Variants in RANBP2 observed in about 807,000 individuals in gnomAD.
RANBP2 encodes the protein RAN binding protein 2.
A neutral mutation model predicts 303.6 loss-of-function variants in RANBP2; 57 were observed. The observed-to-expected ratio is 0.19, with a 90% CI of 0.15 to 0.23. The LOEUF (loss-of-function observed/expected upper bound fraction) is 0.23. RANBP2 is among the 10% of genes least tolerant of loss of function. RANBP2 has a pLI of 1.00. For synonymous variants in RANBP2, 1,167 were observed against 1,301.5 expected, an observed-to-expected ratio of 0.90 and a Z score of 2.23; for missense variants, 3,138 against 3,780.8, an observed-to-expected ratio of 0.83 and a Z score of 4.46.
intron 1 of RANBP2, among the ~76,000 whole-genome samples, chr2:108,725,351 T>G (rs1032378246): frequency 2.0e-5 from 3 of 152,070 alleles, no homozygotes; most frequent in African/African-American, 7.3e-5. Flanking sequence ...TTTGTAAAGT[T>G]GTTTAATTAT....
At chr2:109,304,594 CTATCTT>C in the RANBP2 span, among the ~76,000 whole-genome samples, 1 of 152,324 alleles carries the variant, frequency 6.6e-6, no homozygotes, top group Non-Finnish European at 1.5e-5. Flanking sequence ...CCCTCACCCT[CTATCTT>C]TAAGTTCAGA....
the RANBP2 span, among the ~76,000 whole-genome samples, chr2:109,662,416 A>T: frequency 6.6e-6 from 1 of 152,156 alleles, no homozygotes; most frequent in Non-Finnish European, 1.5e-5. Context: ...CCTCCCAAGT[A>T]GCTGGGACTA....
chr2:108,751,122 A>C (rs1311853088), intron 9 of RANBP2, 142 bp from the exon 10 acceptor site: 20 of 1,422,232 alleles, frequency 1.4e-5, no homozygotes, highest in Admixed American at 4.7e-5. Flanking sequence ...GATTTTGCCT[A>C]ACATAGAATT....
chr2:108,925,929 TA>T, the RANBP2 span, among the ~76,000 whole-genome samples: 2 of 152,148 alleles, frequency 1.3e-5, no homozygotes, highest in Admixed American at 6.5e-5. Flanking sequence ...GATAAACTTT[TA>T]AAAAAACATT....
At chr2:108,794,774 C>T in the RANBP2 span, 26 of 1,340,870 alleles carry the variant, frequency 1.9e-5, no homozygotes, top group South Asian at 3.5e-4. Context: ...TTCTAAGAAC[C>T]AAGCATTTAC....
At chr2:108,795,435 G>A in the RANBP2 span, among the ~76,000 whole-genome samples, 1 of 152,116 alleles carries the variant, frequency 6.6e-6, no homozygotes, top group Non-Finnish European at 1.5e-5. Flanking sequence ...GGGATTACAG[G>A]CGTGAGCCAC....
At chr2:109,071,982 T>C in the RANBP2 span, among the ~76,000 whole-genome samples, 3 of 152,202 alleles carry the variant, frequency 2.0e-5, no homozygotes, top group Non-Finnish European at 4.4e-5. Flanking sequence ...AGGAATATGT[T>C]TGAATGTGTC....
chr2:109,423,409 G>A, the RANBP2 span, among the ~76,000 whole-genome samples: 6 of 152,142 alleles, frequency 3.9e-5, no homozygotes. Flanking sequence ...TGTGCGTGTG[G>A]TCAAAAGGCC....
chr2:108,805,405 G>T, the RANBP2 span, among the ~76,000 whole-genome samples: 1 of 152,012 alleles, frequency 6.6e-6, no homozygotes, highest in East Asian at 1.9e-4. Flanking sequence ...TTATAAACTG[G>T]TATCACATTG....
chr2:108,753,818 T>G lies in RANBP2; in HGVS notation c.2056-7T>G, dbSNP rs748716969. 6.2e-7 allele frequency: 1 copy of G among 1,611,974 alleles called. No individual in the cohort carries two copies. The highest frequency in any genetic ancestry group is 1.7e-5 in the Admixed American group (1 of 60,016). On this transcript the variant is annotated splice_polypyrimidine_tract_variant and splice_region_variant and intron_variant, in intron 14 of 28. Transcript: ENST00000283195. ...CTAATGATTTCATAAAAGCACTATTTGTATAGATTTTTCACAGGAAGGCAG... is the reference window on the plus strand; with the variant it reads ...CTAATGATTTCATAAAAGCACTATTGGTATAGATTTTTCACAGGAAGGCAG...
the RANBP2 span, among the ~76,000 whole-genome samples, chr2:109,490,451 A>G: frequency 6.6e-6 from 1 of 152,226 alleles, no homozygotes; most frequent in Non-Finnish European, 1.5e-5. Context: ...TACTCTGGCT[A>G]CTGCTGTTGC....
chr2:108,780,951 C>T (rs992958341), intron 25 of RANBP2, among the ~76,000 whole-genome samples: 3 of 152,004 alleles, frequency 2.0e-5, no homozygotes, highest in East Asian at 1.9e-4. Context: ...TCAGGAGATG[C>T]GCTCACCTCG....
chr2:109,684,341 A>C, the RANBP2 span, among the ~76,000 whole-genome samples: 2 of 141,662 alleles, frequency 1.4e-5, no homozygotes, highest in African/African-American at 5.3e-5. Flanking sequence ...TCCCAGGTTT[A>C]AGCCATTTTC....
At chr2:108,904,059 C>T in the RANBP2 span, among the ~76,000 whole-genome samples, 3 of 152,082 alleles carry the variant, frequency 2.0e-5, no homozygotes, top group Non-Finnish European at 2.9e-5. Context: ...TATAAAACCA[C>T]ATATCCATCA....
the RANBP2 span, among the ~76,000 whole-genome samples, chr2:108,921,355 T>G: frequency 6.6e-6 from 1 of 152,166 alleles, no homozygotes; most frequent in Admixed American, 6.5e-5. Flanking sequence ...CCAGGGGCCC[T>G]TGGCAAGTCT....
At chr2:109,238,449 T>TTGTGTG in the RANBP2 span, among the ~76,000 whole-genome samples, 35 of 142,712 alleles carry the variant, frequency 2.5e-4, no homozygotes, top group African/African-American at 4.9e-4. Context: ...TTATGTATAT[T>TTGTGTG]TGTGTGTGTG....
At chr2:109,393,975 G>A in the RANBP2 span, among the ~76,000 whole-genome samples, 3 of 151,986 alleles carry the variant, frequency 2.0e-5, no homozygotes, top group Non-Finnish European at 4.4e-5. Context: ...GAAATTCCAG[G>A]GCTGGCCGCA....
At chr2:109,199,602 TGG>T in the RANBP2 span, among the ~76,000 whole-genome samples, 3 of 340 alleles carry the variant, frequency 8.8e-3, no homozygotes, top group African/African-American at 0.016. Context: ...TGGAATGGAA[TGG>T]AATGGAATGG....
the RANBP2 span, among the ~76,000 whole-genome samples, chr2:109,666,303 C>A: frequency 6.6e-6 from 1 of 152,022 alleles, no homozygotes; most frequent in Non-Finnish European, 1.5e-5. Context: ...GCGTGTGGTG[C>A]CACTTTTTTT....
Sources: allele counts gnomAD v4.1 joint callset (sites outside exome capture counted in the v4.1 genomes callset), GRCh38; gene constraint gnomAD v4.1.1; transcripts MANE v1.5; gene names NCBI Gene and HGNC (gene_info 2026-07-23, HGNC 2026-07-21).